Variants in CFHR3 observed in about 807,000 individuals in gnomAD.
CFHR3 encodes the protein complement factor H-related protein 3.
A neutral mutation model predicts 36.0 loss-of-function variants in CFHR3; 22 were observed. The observed-to-expected ratio is 0.61, with a 90% CI of 0.44 to 0.87. The LOEUF (loss-of-function observed/expected upper bound fraction) is 0.87. CFHR3 is among the 40% of genes least tolerant of loss of function. The probability of loss-of-function intolerance (pLI) is 0.00; values close to 1 mark genes in which losing one functional copy is unlikely to be tolerated. For missense variants in CFHR3, 276 were observed against 401.3 expected, an observed-to-expected ratio of 0.69 and a Z score of 2.67; for synonymous variants, 97 against 137.4, an observed-to-expected ratio of 0.71 and a Z score of 2.06.
chr1:196,783,547 A>G (rs1654054972), intron 3 of CFHR3, among the ~76,000 whole-genome samples: 2 of 130,346 alleles, frequency 1.5e-5, no homozygotes, highest in Admixed American at 1.5e-4. Flanking sequence ...TGTATGTGTC[A>G]AGGAATTTAT....
chr1:196,781,374 C>G lies in CFHR3; in HGVS notation c.430+1401C>G, dbSNP rs1480877392. Among the ~76,000 whole-genome samples, 46 of 135,472 alleles carry G rather than the reference C, an allele frequency of 3.4e-4. 2 individuals are homozygous for G. The highest frequency in any genetic ancestry group is 5.9e-4 in the East Asian group (3 of 5,090). The allele number at this position is 135,472 out of a possible 152,430, so 88.9% of individuals were successfully genotyped here. On this transcript the variant is annotated intron_variant, in intron 3 of 5. Transcript: ENST00000367425. Reference sequence around the variant, plus strand: ...TAGTTCTAGATCCCTGAGGAATCACCACACTGTCTTCCACAATGGTTGAAC... The same window carrying G: ...TAGTTCTAGATCCCTGAGGAATCACGACACTGTCTTCCACAATGGTTGAAC...
In CFHR3 at chr1:196,788,956, G is replaced by T; in HGVS notation, c.613+558G>T. 8 of 1,349,714 alleles carry T rather than the reference G, an allele frequency of 5.9e-6. 1 individual carries two copies. Among genetic ancestry groups the T allele is most frequent in the Non-Finnish European group, 6.7e-6 (7 of 1,046,564 alleles). The allele number at this position is 1,349,714 out of a possible 1,614,324, so 83.6% of individuals were successfully genotyped here. A position where few individuals can be genotyped will look rare whatever the true frequency, so the allele number is the denominator to read the frequency against. On this transcript the variant is annotated intron_variant, in intron 4 of 5. Coordinates refer to ENST00000367425, the MANE Select transcript of CFHR3 (RefSeq NM_021023.6). The stretch of plus-strand genomic sequence containing the variant: ...AGTAAAGGAAAAGGGTAAGTGGGTG[G>T]GCTGAATGTTTACAAACCTCATACT...
intron 3 of CFHR3, among the ~76,000 whole-genome samples, chr1:196,784,124 T>G (rs1654085908): frequency 7.3e-6 from 1 of 136,874 alleles, no homozygotes; most frequent in South Asian, 2.5e-4. Flanking sequence ...TGAGTGAGTT[T>G]CTTAATCCTG....
chr1:196,779,471 T>C, intron 2 of CFHR3, 115 bp downstream of exon 2: 1 of 901,182 alleles, frequency 1.1e-6, no homozygotes, highest in Non-Finnish European at 1.7e-6. Flanking sequence ...AAGAAATGAG[T>C]TGTTCAAGCA....
chr1:196,776,687 G>T lies in CFHR3; in HGVS notation c.58+1743G>T, dbSNP rs748071638. ...CTGTTGACAGCTATATCTCAAACTAGTAGCCTCCAGAACTGTGAGAAAATA... is the reference window on the plus strand; with the variant it reads ...CTGTTGACAGCTATATCTCAAACTATTAGCCTCCAGAACTGTGAGAAAATA... On this transcript the variant is annotated intron_variant, in intron 1 of 5. Coordinates refer to ENST00000367425, the MANE Select transcript of CFHR3 (RefSeq NM_021023.6). Among the ~76,000 whole-genome samples, 18 of 136,854 alleles carry T rather than the reference G, an allele frequency of 1.3e-4. 2 individuals carry two copies. The highest frequency in any genetic ancestry group is 2.2e-4 in the Non-Finnish European group (14 of 64,516). 89.8% of individuals were successfully genotyped at this position (136,854 alleles called of 152,430 possible).
intron 3 of CFHR3, among the ~76,000 whole-genome samples, chr1:196,785,302 G>A (rs1341608321): frequency 7.5e-6 from 1 of 133,864 alleles, no homozygotes; most frequent in African/African-American, 3.2e-5. Context: ...TCTTCTCTAG[G>A]AGTATCTTTG....
intron 3 of CFHR3, among the ~76,000 whole-genome samples, chr1:196,783,014 C>T (rs566592123): frequency 3.7e-5 from 5 of 136,252 alleles, no homozygotes; most frequent in East Asian, 2.0e-4. Flanking sequence ...TAGCATGAAG[C>T]GTTGTTGAAT....
chr1:196,784,108 C>T (rs1265615675), intron 3 of CFHR3, among the ~76,000 whole-genome samples: 2 of 136,200 alleles, frequency 1.5e-5, no homozygotes, highest in South Asian at 2.6e-4. Flanking sequence ...TGTAGTTGAG[C>T]AGTTTTGAGT....
In CFHR3 at chr1:196,785,627, G is replaced by T. The variant is rs1195007097; in HGVS notation, c.431-2589G>T. Among the ~76,000 whole-genome samples the T allele has an allele frequency of 1.5e-5, 2 of 136,726 alleles. 1 individual carries two copies. The highest frequency in any genetic ancestry group is 6.1e-5 in the African/African-American group (2 of 32,644). The allele number at this position is 136,726 out of a possible 152,430, so 89.7% of individuals were successfully genotyped here. A position where few individuals can be genotyped will look rare whatever the true frequency, so the allele number is the denominator to read the frequency against. On this transcript the variant is annotated intron_variant, in intron 3 of 5. Transcript: ENST00000367425. ...CTGAGGCTTCTGTATTCTTCACGTA[G>T]TTCTCGAGCCTTGGCTTTCAGCTCC...
At chr1:196,786,226 C>T (rs1654193157) in intron 3 of CFHR3, among the ~76,000 whole-genome samples, 1 of 136,174 alleles carries the variant, frequency 7.3e-6, no homozygotes, top group Non-Finnish European at 1.6e-5. Flanking sequence ...GGTGGTGCCT[C>T]CCAGTTAGGC....
Position 196,789,486 on chromosome 1 carries a change from G to A in CFHR3, c.614-559G>A, listed in dbSNP as rs532017938. On this transcript the variant is annotated intron_variant, in intron 4 of 5. Coordinates refer to ENST00000367425, the MANE Select transcript of CFHR3 (RefSeq NM_021023.6). The stretch of plus-strand genomic sequence containing the variant: ...ATAAATGATCTACTTTAAAACTTGT[G>A]AAATAAAAGACAGGATGCTTCATAA... 1.1e-4 allele frequency: 107 copies of A among 980,930 alleles called. 10 individuals carry two copies. Among genetic ancestry groups the A allele is most frequent in the African/African-American group, 1.3e-4 (6 of 45,602 alleles). 60.8% of individuals were successfully genotyped at this position (980,930 alleles called of 1,614,324 possible). A position where few individuals can be genotyped will look rare whatever the true frequency, so the allele number is the denominator to read the frequency against.
At position 196,790,913 on chromosome 1, in the gene CFHR3, T is replaced by C. The variant is rs568071460; in HGVS notation, c.796+686T>C. Among the ~76,000 whole-genome samples, 13 of 136,174 alleles carry C rather than the reference T, an allele frequency of 9.5e-5. 1 individual carries two copies. The East Asian group carries it at 2.1e-3, about 22-fold the overall frequency. 89.3% of individuals were successfully genotyped at this position (136,174 alleles called of 152,430 possible). On this transcript the variant is annotated intron_variant, in intron 5 of 5. Transcript: ENST00000367425. ...TATTGCGCACATATGAAATATGGCA[T>C]CTCAGCTTAACACCAGTAATCATTT...
intron 3 of CFHR3, among the ~76,000 whole-genome samples, chr1:196,783,379 T>G (rs1244451217): frequency 7.5e-6 from 1 of 133,514 alleles, no homozygotes; most frequent in East Asian, 2.0e-4. Context: ...GAAGGAATGG[T>G]ACCAGTTGCT....
In CFHR3 at chr1:196,779,244, A is replaced by T. The variant is rs1256035975; in HGVS notation, c.141A>T (p.Val47=). 3 of 1,526,648 alleles carry T rather than the reference A, an allele frequency of 2.0e-6. 1 individual carries two copies. The highest frequency in any genetic ancestry group is 2.2e-5 in the East Asian group (1 of 44,624). The allele number at this position is 1,526,648 out of a possible 1,614,324, so 94.6% of individuals were successfully genotyped here. ...GTAGACCATACTTTCCAGTAGCTGT[A>T]GGAAAATATTACTCCTATTACTGTG... ...NMRRPYFPVA[V]GKYYSYYCDE... is the part of the protein sequence containing the mutation. The change falls in exon 2 of 6, where the codon GTA becomes GTT. Residue 47 remains valine (V), a synonymous_variant. Transcript: ENST00000367425.
rs1461307961 is a variant in CFHR3 at position 196,786,129 on chromosome 1, C to A, written c.431-2087C>A. ...CTGCAGAACAGCGGATTTTCATGAA[C>A]CGCGAATGCTGCTGTATGATGGTTC... On this transcript the variant is annotated intron_variant, in intron 3 of 5. Coordinates refer to ENST00000367425, the MANE Select transcript of CFHR3 (RefSeq NM_021023.6). Among the ~76,000 whole-genome samples the A allele has an allele frequency of 2.2e-5, 3 of 136,534 alleles. No individual in the cohort carries two copies. The East Asian group carries it at 5.9e-4, about 27-fold the overall frequency. The allele number at this position is 136,534 out of a possible 152,430, so 89.6% of individuals were successfully genotyped here.
chr1:196,788,874 C>T lies in CFHR3; in HGVS notation c.613+476C>T. ...TTAATAATTTGTATCAATGATGCTA[C>T]TGAGGATATCCAATCAAAAAATTAT... On this transcript the variant is annotated intron_variant, in intron 4 of 5. Transcript: ENST00000367425. 1.3e-5 allele frequency: 18 copies of T among 1,434,292 alleles called. 4 individuals are homozygous for T. Among genetic ancestry groups the T allele is most frequent in the Non-Finnish European group, 1.7e-5 (18 of 1,083,426 alleles). The allele number at this position is 1,434,292 out of a possible 1,614,324, so 88.8% of individuals were successfully genotyped here.
At chr1:196,791,060 G>A (rs1477079695) in intron 5 of CFHR3, among the ~76,000 whole-genome samples, 2 of 136,298 alleles carry the variant, frequency 1.5e-5, no homozygotes, top group Non-Finnish European at 3.1e-5. Flanking sequence ...ACACATAGCT[G>A]GTTAACACTG....
chr1:196,778,769 G>A (rs1278417872), intron 1 of CFHR3, among the ~76,000 whole-genome samples: 3 of 136,442 alleles, frequency 2.2e-5, no homozygotes, highest in African/African-American at 9.2e-5. Flanking sequence ...TTGGTAATGT[G>A]TGCACCCTGA....
intron 5 of CFHR3, among the ~76,000 whole-genome samples, chr1:196,790,793 A>C (rs1358064883): frequency 7.7e-6 from 1 of 130,250 alleles, no homozygotes; most frequent in Non-Finnish European, 1.6e-5. Flanking sequence ...AAACAGAAGA[A>C]GAAGAAAAGA....
Sources: gnomAD v4.1 joint callset for allele counts (sites outside exome capture counted in the v4.1 genomes callset) on GRCh38, gnomAD v4.1.1 for gene constraint, MANE v1.5 for transcripts, NCBI Gene and HGNC (gene_info 2026-07-23, HGNC 2026-07-21) for gene names.